Variants in KIAA1328 observed in about 807,000 individuals in gnomAD.
KIAA1328 encodes protein hinderin.
Under a neutral mutation model 68.1 loss-of-function variants are expected in KIAA1328, and 52 were observed. The ratio of observed to expected loss-of-function variants is 0.76; its 90% CI spans 0.61 to 0.96. The LOEUF (loss-of-function observed/expected upper bound fraction) is 0.96, where lower values mean the gene tolerates loss of function less well. KIAA1328 is among the 40% of genes least tolerant of loss of function. The pLI is 0.00. For synonymous variants in KIAA1328, 232 were observed against 239.4 expected, an observed-to-expected ratio of 0.97 and a Z score of 0.28; for missense variants, 641 against 677.6, an observed-to-expected ratio of 0.95 and a Z score of 0.60.
At position 37,038,631 on chromosome 18, in the gene KIAA1328, AC is replaced by A. The variant is rs539915971; in HGVS notation, c.577-28258del. On this transcript the variant is annotated intron_variant, in intron 6 of 9. Transcript: ENST00000280020. ...GTTTATAGATTTCTTAGGATTTTCT[AC>A]ATAAAGGATTATGGCACCTGTGAAT... 4.5e-4 allele frequency among the ~76,000 whole-genome samples: 68 copies of A among 152,210 alleles called. 1 individual carries two copies. The highest frequency in any genetic ancestry group is 1.4e-3 in the South Asian group (7 of 4,832).
chr18:36,851,090 C>T (rs2047198011), intron 4 of KIAA1328, among the ~76,000 whole-genome samples: 1 of 151,752 alleles, frequency 6.6e-6, no homozygotes, highest in Non-Finnish European at 1.5e-5. Flanking sequence ...GGTTTTTTTT[C>T]TGCTAATATG....
At chr18:37,051,466 T>A (rs977471549) in intron 6 of KIAA1328, among the ~76,000 whole-genome samples, 1 of 152,068 alleles carries the variant, frequency 6.6e-6, no homozygotes, top group Non-Finnish European at 1.5e-5. Flanking sequence ...AATGGATAAA[T>A]TCCTGGAAAC....
intron 6 of KIAA1328, among the ~76,000 whole-genome samples, chr18:37,034,050 A>G (rs1022121159): frequency 2.0e-5 from 3 of 152,182 alleles, no homozygotes; most frequent in African/African-American, 7.2e-5. Flanking sequence ...TGTTACTCCA[A>G]AATACTCCAA....
chr18:37,043,401 A>C (rs886184538), intron 6 of KIAA1328, among the ~76,000 whole-genome samples: 1 of 152,144 alleles, frequency 6.6e-6, no homozygotes, highest in African/African-American at 2.4e-5. Context: ...TTCTCTCGAA[A>C]GTTGTTATTG....
At chr18:37,221,122 C>T (rs1015499584) in intron 9 of KIAA1328, among the ~76,000 whole-genome samples, 4 of 152,142 alleles carry the variant, frequency 2.6e-5, no homozygotes, top group Admixed American at 6.5e-5. Context: ...CCACCTCACC[C>T]GGCCCCCAGA....
chr18:37,083,235 T>C (rs1473657427), intron 7 of KIAA1328, among the ~76,000 whole-genome samples: 1 of 152,230 alleles, frequency 6.6e-6, no homozygotes, highest in Non-Finnish European at 1.5e-5. Flanking sequence ...ATTTTGCATC[T>C]ACATTTACCT....
At chr18:37,150,577 A>G (rs2059006711) in intron 7 of KIAA1328, among the ~76,000 whole-genome samples, 1 of 151,652 alleles carries the variant, frequency 6.6e-6, no homozygotes, top group Non-Finnish European at 1.5e-5. Flanking sequence ...AAATGCAGAA[A>G]AAAAAAAACC....
intron 7 of KIAA1328, among the ~76,000 whole-genome samples, chr18:37,103,832 A>G (rs1431670218): frequency 6.6e-6 from 1 of 150,958 alleles, no homozygotes; most frequent in Non-Finnish European, 1.5e-5. Flanking sequence ...ACACACACAC[A>G]CACACACTCC....
chr18:36,885,806 C>G, intron 5 of KIAA1328, 134 bp downstream of exon 5: 2 of 572,466 alleles, frequency 3.5e-6, no homozygotes, highest in Non-Finnish European at 6.2e-6. Flanking sequence ...CAACCTCCAC[C>G]TCCCGGTTCA....
At chr18:37,205,255 G>A (rs1011358146) in intron 9 of KIAA1328, among the ~76,000 whole-genome samples, 2 of 152,216 alleles carry the variant, frequency 1.3e-5, no homozygotes, top group African/African-American at 4.8e-5. Flanking sequence ...AAGGAGGACT[G>A]AAAGAGGCAG....
intron 7 of KIAA1328, among the ~76,000 whole-genome samples, chr18:37,122,221 AG>A (rs948763494): frequency 2.6e-5 from 4 of 152,138 alleles, no homozygotes; most frequent in Admixed American, 2.6e-4. Flanking sequence ...AATTTCAAGA[AG>A]AGAGTAATAA....
chr18:37,050,231 GAAAAA>G (rs796605174), intron 6 of KIAA1328, among the ~76,000 whole-genome samples: 5 of 149,444 alleles, frequency 3.3e-5, no homozygotes, highest in African/African-American at 1.0e-4. Context: ...ACCAAAAAAA[GAAAAA>G]AAAGGAAAAA....
Position 36,829,196 on chromosome 18 carries a change from T to C in KIAA1328, c.58T>C (p.Phe20Leu), listed in dbSNP as rs1399552378. ...PSAAAFWSRD[F>L]SDEEQSVVYV... is the part of the protein sequence containing the mutation. ...TGCCGCGGCGTTCTGGAGCCGGGACTGTATCCTTTGCCCGCCTGACAGGGG... is the reference window on the plus strand; with the variant it reads ...TGCCGCGGCGTTCTGGAGCCGGGACCGTATCCTTTGCCCGCCTGACAGGGG... Residue 20 changes from phenylalanine to leucine, a missense_variant and splice_region_variant, in exon 1 of 10, where the codon TTT (phenylalanine) becomes CTT (leucine). By Grantham distance (22) the Phe-to-Leu change is conservative. Coordinates refer to ENST00000280020, the MANE Select transcript of KIAA1328 (RefSeq NM_020776.3). 1.3e-6 allele frequency: 2 copies of C among 1,527,184 alleles called. No individual in the cohort carries two copies. Among genetic ancestry groups the C allele is most frequent in the Admixed American group, 2.0e-5 (1 of 49,464 alleles). The allele number at this position is 1,527,184 out of a possible 1,614,324, so 94.6% of individuals were successfully genotyped here.
At chr18:36,948,841 G>T (rs919781161) in intron 5 of KIAA1328, among the ~76,000 whole-genome samples, 12 of 152,182 alleles carry the variant, frequency 7.9e-5, no homozygotes, top group African/African-American at 2.9e-4. Context: ...AAGCCACTGC[G>T]ACATGACTTT....
At chr18:37,036,754 CACAT>C (rs1290639437) in intron 6 of KIAA1328, among the ~76,000 whole-genome samples, 9 of 152,200 alleles carry the variant, frequency 5.9e-5, no homozygotes, top group African/African-American at 2.2e-4. Flanking sequence ...TGCACACACA[CACAT>C]ACACACCTGA....
intron 7 of KIAA1328, among the ~76,000 whole-genome samples, chr18:37,132,262 TA>T (rs1483740704): frequency 2.0e-5 from 3 of 152,218 alleles, no homozygotes; most frequent in African/African-American, 7.2e-5. Context: ...TTAGAATTTT[TA>T]TAGAAATTTC....
intron 4 of KIAA1328, among the ~76,000 whole-genome samples, chr18:36,851,802 T>C (rs1314113952): frequency 2.1e-5 from 3 of 145,280 alleles, no homozygotes; most frequent in Non-Finnish European, 4.6e-5. Context: ...TATTCTAATA[T>C]TTATTTTCTT....
chr18:37,061,745 A>T (rs537343192), intron 6 of KIAA1328, among the ~76,000 whole-genome samples: 2 of 152,100 alleles, frequency 1.3e-5, no homozygotes, highest in African/African-American at 4.8e-5. Context: ...AAATAGCTTA[A>T]TTTTTTATAT....
intron 7 of KIAA1328, among the ~76,000 whole-genome samples, chr18:37,149,525 A>C (rs2058980772): frequency 6.6e-6 from 1 of 152,228 alleles, no homozygotes; most frequent in Non-Finnish European, 1.5e-5. Flanking sequence ...CCCCAAGAGC[A>C]ATTACAACAA....
Sources: gnomAD v4.1 joint callset for allele counts (sites outside exome capture counted in the v4.1 genomes callset) on GRCh38, gnomAD v4.1.1 for gene constraint, MANE v1.5 for transcripts, NCBI Gene and HGNC (gene_info 2026-07-23, HGNC 2026-07-21) for gene names.